The following NRXN3 variants were observed in gnomAD, a reference collection of about 807,000 sequenced individuals.
NRXN3 encodes neurexin 3.
A neutral mutation model predicts 137.6 loss-of-function variants in NRXN3; 32 were observed. The ratio of observed to expected loss-of-function variants is 0.23; its 90% CI spans 0.18 to 0.31. NRXN3 has a LOEUF of 0.31. NRXN3 is among the 10% of genes least tolerant of loss of function. The pLI, the probability that NRXN3 is intolerant of heterozygous loss-of-function variation, is 1.00. For missense variants in NRXN3, 1,574 were observed against 2,062.5 expected (o/e 0.76, Z 4.59); for synonymous variants, 798 against 784.5 (o/e 1.02, Z -0.29).
At chr14:78,644,204 C>A (rs546388944) in intron 4 of NRXN3, among the ~76,000 whole-genome samples, 120 of 151,262 alleles carry the variant, frequency 7.9e-4, no homozygotes, top group African/African-American at 2.8e-3. Context: ...AGGGAAGAGG[C>A]CTGCACAAGC....
At chr14:78,259,770 T>C (rs999919195) in intron 2 of NRXN3, among the ~76,000 whole-genome samples, 2 of 152,194 alleles carry the variant, frequency 1.3e-5, no homozygotes, top group African/African-American at 2.4e-5. Flanking sequence ...GTGTCTGTGC[T>C]CTGAATGCTT....
At chr14:78,225,960 T>TGTGG (rs2064519524) in intron 1 of NRXN3, among the ~76,000 whole-genome samples, 1 of 132,688 alleles carries the variant, frequency 7.5e-6, no homozygotes. Context: ...TTGGTGTGTG[T>TGTGG]GTGTGTGTGT....
At chr14:79,565,348 C>T (rs1974757) in intron 16 of NRXN3, among the ~76,000 whole-genome samples, 93,717 of 141,890 alleles carry the variant, frequency 0.66, 30,830 homozygotes, top group East Asian at 0.87. Context: ...CATATGTGTG[C>T]GTATATGTAT....
At chr14:79,672,979 A>T (rs1275092623) in intron 17 of NRXN3, among the ~76,000 whole-genome samples, 2 of 152,120 alleles carry the variant, frequency 1.3e-5, no homozygotes, top group Non-Finnish European at 2.9e-5. Context: ...CACATACAGT[A>T]TGTCATTTAT....
intron 20 of NRXN3, among the ~76,000 whole-genome samples, chr14:79,846,882 T>C (rs925109517): frequency 3.3e-5 from 5 of 152,236 alleles, no homozygotes; most frequent in African/African-American, 1.2e-4. Flanking sequence ...TGAATTAATA[T>C]AATTAGTTGC....
chr14:78,422,326 A>G (rs1440665761), intron 4 of NRXN3, among the ~76,000 whole-genome samples: 1 of 152,178 alleles, frequency 6.6e-6, no homozygotes, highest in Non-Finnish European at 1.5e-5. Flanking sequence ...TCTTGAGGTT[A>G]TTGGATGAAT....
chr14:78,764,429 G>T lies in NRXN3; in HGVS notation c.2045-39191G>T, dbSNP rs143223259. On this transcript the variant is annotated intron_variant, in intron 8 of 20. Coordinates refer to ENST00000335750, the MANE Select transcript of NRXN3 (RefSeq NM_001330195.2). The stretch of plus-strand genomic sequence containing the variant: ...TACCACGAGGCTTCCTTGCTTTCCA[G>T]CTGAAATACAACCACAACTTCACCC... 2.4e-3 allele frequency among the ~76,000 whole-genome samples: 360 copies of T among 152,240 alleles called. 4 individuals are homozygous for T. The highest frequency in any genetic ancestry group is 8.4e-3 in the African/African-American group (350 of 41,544).
At chr14:79,355,255 CA>C (rs376113125) in intron 15 of NRXN3, among the ~76,000 whole-genome samples, 3,222 of 149,658 alleles carry the variant, frequency 0.022, 164 homozygotes, top group African/African-American at 0.077. Context: ...TTCTGTCCCC[CA>C]CCCCCTTCCT....
intron 15 of NRXN3, among the ~76,000 whole-genome samples, chr14:79,360,489 G>A (rs1280664501): frequency 6.6e-6 from 1 of 152,106 alleles, no homozygotes; most frequent in Non-Finnish European, 1.5e-5. Flanking sequence ...CATTTATTAA[G>A]CATCTACTAT....
chr14:79,673,804 T>A (rs562336162), intron 17 of NRXN3, among the ~76,000 whole-genome samples: 24 of 152,130 alleles, frequency 1.6e-4, no homozygotes, highest in Admixed American at 3.9e-4. Flanking sequence ...TATTGAGCAG[T>A]TATTAATTGC....
intron 15 of NRXN3, among the ~76,000 whole-genome samples, chr14:79,433,774 C>G (rs1427619439): frequency 6.6e-6 from 1 of 152,174 alleles, no homozygotes; most frequent in Non-Finnish European, 1.5e-5. Flanking sequence ...TTCATTATAT[C>G]TGGTCTAGAT....
At chr14:78,333,326 C>T (rs2081057827) in intron 4 of NRXN3, among the ~76,000 whole-genome samples, 1 of 152,132 alleles carries the variant, frequency 6.6e-6, no homozygotes. Context: ...ACTTCCAAGT[C>T]CAAATTCAAC....
At chr14:78,314,921 TTCTTTCTTTC>T (rs2078440129) in intron 4 of NRXN3, among the ~76,000 whole-genome samples, 1 of 116,744 alleles carries the variant, frequency 8.6e-6, no homozygotes. Flanking sequence ...CTTTCTTTCT[TTCTTTCTTTC>T]TTTCTTTCTT....
chr14:79,773,401 A>G (rs1440265996), intron 19 of NRXN3, among the ~76,000 whole-genome samples: 2 of 152,144 alleles, frequency 1.3e-5, no homozygotes, highest in South Asian at 2.1e-4. Context: ...ATGATCGACC[A>G]GATTAAGAAA....
chr14:79,142,319 C>A (rs1048969770), intron 15 of NRXN3, among the ~76,000 whole-genome samples: 1 of 151,600 alleles, frequency 6.6e-6, no homozygotes, highest in Non-Finnish European at 1.5e-5. Context: ...CCAGCTAGTC[C>A]GGAGGCTGAG....
At chr14:78,576,238 C>T (rs1600726009) in intron 4 of NRXN3, among the ~76,000 whole-genome samples, 1 of 152,188 alleles carries the variant, frequency 6.6e-6, no homozygotes, top group Non-Finnish European at 1.5e-5. Context: ...TTTGTCTCTT[C>T]CTCTGCCCAG....
At chr14:79,213,190 A>G (rs2067959112) in intron 15 of NRXN3, among the ~76,000 whole-genome samples, 1 of 152,162 alleles carries the variant, frequency 6.6e-6, no homozygotes, top group African/African-American at 2.4e-5. Flanking sequence ...ATACTTAAGA[A>G]GAGGAAACAA....
intron 15 of NRXN3, among the ~76,000 whole-genome samples, chr14:79,122,523 T>C (rs891858603): frequency 6.6e-6 from 1 of 152,170 alleles, no homozygotes. Flanking sequence ...GAGTTAGGAA[T>C]CGTTTTCTGA....
intron 4 of NRXN3, among the ~76,000 whole-genome samples, chr14:78,595,707 A>G (rs1217267162): frequency 1.4e-4 from 22 of 152,208 alleles, no homozygotes; most frequent in Admixed American, 1.4e-3. Flanking sequence ...GAGGAAACTG[A>G]GGCTGTAAGA....
Sources: gnomAD v4.1 joint callset for allele counts (sites outside exome capture counted in the v4.1 genomes callset) on GRCh38, gnomAD v4.1.1 for gene constraint, MANE v1.5 for transcripts, NCBI Gene and HGNC (gene_info 2026-07-23, HGNC 2026-07-21) for gene names.